Variants in CEP83 observed in about 807,000 individuals in gnomAD.
CEP83 encodes the protein centrosomal protein 83.
Under a neutral mutation model 101.9 loss-of-function variants are expected in CEP83, and 70 were observed. The observed-to-expected ratio is 0.69, with a 90% confidence interval of 0.57 to 0.84. CEP83 has a LOEUF of 0.84. Among genes scored for constraint, CEP83 ranks in the 40% least tolerant of loss-of-function variants. The pLI is 0.00. For missense variants in CEP83, 715 were observed against 787.2 expected (o/e 0.91, Z 1.10); for synonymous variants, 264 against 267.9 (o/e 0.99, Z 0.14).
intron 1 of CEP83, among the ~76,000 whole-genome samples, chr12:94,458,130 G>A (rs906925811): frequency 2.0e-5 from 3 of 151,322 alleles, no homozygotes; most frequent in Non-Finnish European, 4.4e-5. Flanking sequence ...CTGGGAGGCG[G>A]AAGTTGCAGT....
At chr12:94,290,004 A>G in the CEP83 span, among the ~76,000 whole-genome samples, 12 of 152,130 alleles carry the variant, frequency 7.9e-5, no homozygotes, top group Non-Finnish European at 1.5e-4. Flanking sequence ...GCTCTTGAGG[A>G]GACATTTGAA....
Position 94,432,423 on chromosome 12 carries a change from G to A in CEP83, c.-102+2852C>T, listed in dbSNP as rs560556861. Among the ~76,000 whole-genome samples the A allele has an allele frequency of 1.1e-4, 17 of 152,192 alleles. No homozygotes were observed. In the South Asian group the frequency reaches 3.5e-3, roughly 32 times the overall value. ...TGAAATACTATTCAGCTATGAGAAA[G>A]AATGAAATCATGTCATTTGTAGCAA... On this transcript the variant is annotated intron_variant, in intron 2 of 16. Transcript: ENST00000397809.
At chr12:94,421,103 T>A (rs2064707655) in intron 2 of CEP83, among the ~76,000 whole-genome samples, 1 of 152,154 alleles carries the variant, frequency 6.6e-6, no homozygotes, top group Admixed American at 6.5e-5. Context: ...TGCAATGGCA[T>A]GATCACAGCT....
intron 12 of CEP83, 98 bp downstream of exon 12, chr12:94,335,491 C>A: frequency 1.4e-6 from 1 of 739,992 alleles, no homozygotes; most frequent in South Asian, 1.7e-5. Flanking sequence ...TGGTTAGATT[C>A]TAAAAATACT....
At chr12:94,433,642 A>G (rs977163091) in intron 2 of CEP83, among the ~76,000 whole-genome samples, 1 of 151,840 alleles carries the variant, frequency 6.6e-6, no homozygotes, top group Admixed American at 6.6e-5. Flanking sequence ...AGATCGCACC[A>G]CTGCACTCCA....
chr12:94,307,027 A>C (rs537189171), downstream of CEP83: 2 of 152,370 alleles, frequency 1.3e-5, no homozygotes, highest in African/African-American at 4.8e-5. Context: ...CAAGGGTAGG[A>C]GAGTTGCCCA....
At chr12:94,293,936 T>C in the CEP83 span, among the ~76,000 whole-genome samples, 2 of 152,040 alleles carry the variant, frequency 1.3e-5, no homozygotes, top group East Asian at 1.9e-4. Flanking sequence ...TCTCTTCTTA[T>C]AAGGGCACTA....
intron 11 of CEP83, among the ~76,000 whole-genome samples, chr12:94,343,971 G>T (rs547770167): frequency 2.2e-4 from 33 of 152,280 alleles, no homozygotes; most frequent in African/African-American, 7.7e-4. Context: ...TTACAAAAAG[G>T]ATAGACAAGA....
the CEP83 span, among the ~76,000 whole-genome samples, chr12:94,278,761 G>A: frequency 2.0e-5 from 3 of 152,150 alleles, no homozygotes; most frequent in African/African-American, 7.2e-5. Context: ...ACTTTGGGAG[G>A]CTGAGGTGGG....
the CEP83 span, chr12:94,297,306 T>A: frequency 6.2e-7 from 1 of 1,613,256 alleles, no homozygotes. Flanking sequence ...TTCTGCTGTC[T>A]TCCCTTCAGA....
At chr12:94,434,431 A>C (rs916066481) in intron 2 of CEP83, among the ~76,000 whole-genome samples, 1 of 152,250 alleles carries the variant, frequency 6.6e-6, no homozygotes, top group East Asian at 1.9e-4. Context: ...AAATTATCTT[A>C]GAAAATATTT....
rs2065804911 is a variant in CEP83, at chr12:94,433,691, A to G, written c.-102+1584T>C. On this transcript the variant is annotated intron_variant, in intron 2 of 16. Coordinates refer to ENST00000397809, the MANE Select transcript of CEP83 (RefSeq NM_016122.3). ...GGTGAGACCCTGTCTCAAAAAAAAAAAAGAAAAGAAAAGAAAATTAATTTG... is the reference window on the plus strand; with the variant it reads ...GGTGAGACCCTGTCTCAAAAAAAAAGAAGAAAAGAAAAGAAAATTAATTTG... Among the ~76,000 whole-genome samples the G allele has an allele frequency of 5.3e-5, 8 of 151,682 alleles. 1 individual carries two copies.
At chr12:94,392,477 C>T (rs1248160318) in intron 6 of CEP83, among the ~76,000 whole-genome samples, 4 of 152,180 alleles carry the variant, frequency 2.6e-5, no homozygotes, top group African/African-American at 9.7e-5. Flanking sequence ...ATCTCTGGGA[C>T]ACATTTACAG....
At chr12:94,403,373 A>AATATAGTT in intron 4 of CEP83, 111 bp from the exon 5 acceptor site, 1 of 570,696 alleles carries the variant, frequency 1.8e-6, no homozygotes. Context: ...AAGTTTTTGC[A>AATATAGTT]ATATAGTTTT....
At chr12:94,317,895 T>G (rs1463812526) in intron 14 of CEP83, among the ~76,000 whole-genome samples, 1 of 152,214 alleles carries the variant, frequency 6.6e-6, no homozygotes, top group African/African-American at 2.4e-5. Flanking sequence ...AGGATTGCTG[T>G]GGCTATTTGG....
chr12:94,393,100 G>A (rs1340263040), intron 6 of CEP83, among the ~76,000 whole-genome samples: 1 of 152,170 alleles, frequency 6.6e-6, no homozygotes, highest in Admixed American at 6.5e-5. Flanking sequence ...AATAGAAAAA[G>A]AGGGAATCCT....
At chr12:94,290,486 G>A in the CEP83 span, among the ~76,000 whole-genome samples, 1 of 152,248 alleles carries the variant, frequency 6.6e-6, no homozygotes, top group Non-Finnish European at 1.5e-5. Context: ...GCAGAGGCCT[G>A]ATGGCCCCAG....
At chr12:94,335,116 T>C (rs1451807256) in intron 12 of CEP83, among the ~76,000 whole-genome samples, 1 of 152,142 alleles carries the variant, frequency 6.6e-6, no homozygotes, top group Non-Finnish European at 1.5e-5. Flanking sequence ...TACCCAACTT[T>C]ATACAAATCT....
At chr12:94,290,134 A>G in the CEP83 span, among the ~76,000 whole-genome samples, 17 of 152,322 alleles carry the variant, frequency 1.1e-4, no homozygotes, top group Admixed American at 8.5e-4. Flanking sequence ...TCAACACTCA[A>G]TGGGAGACAT....
Sources: gnomAD v4.1 joint callset for allele counts (sites outside exome capture counted in the v4.1 genomes callset) on GRCh38, gnomAD v4.1.1 for gene constraint, MANE v1.5 for transcripts, NCBI Gene and HGNC (gene_info 2026-07-23, HGNC 2026-07-21) for gene names.